The following RFLNA variants were observed in gnomAD, a reference collection of about 807,000 sequenced individuals.
RFLNA encodes refilin A.
In RFLNA, 5 loss-of-function variants were observed where a neutral mutation model predicts 7.8. The observed-to-expected ratio is 0.64, with a 90% CI of 0.34 to 1.35. The LOEUF (loss-of-function observed/expected upper bound fraction) is 1.35. Among genes scored for constraint, RFLNA ranks in the 40% most tolerant of loss-of-function variants. The pLI is 0.04. For missense variants in RFLNA, 278 were observed against 305.5 expected, an observed-to-expected ratio of 0.91 and a Z score of 0.67; for synonymous variants, 141 against 131.3, an observed-to-expected ratio of 1.07 and a Z score of -0.50.
upstream of RFLNA, among the ~76,000 whole-genome samples, chr12:124,291,647 C>T (rs2033826139): frequency 1.3e-5 from 2 of 152,166 alleles, no homozygotes; most frequent in Admixed American, 6.5e-5. Flanking sequence ...CAGGAATGCG[C>T]AGCCCTACTT....
chr12:124,307,654 G>A (rs190074909), intron 1 of RFLNA, among the ~76,000 whole-genome samples: 17 of 152,310 alleles, frequency 1.1e-4, no homozygotes, highest in African/African-American at 3.6e-4. Context: ...AGCCAGCCCC[G>A]GTGCCTTCAC....
rs768634670 is a variant in RFLNA at position 124,289,814 on chromosome 12, C to A, written c.-37+444C>A. Among the ~76,000 whole-genome samples, 1 of 152,168 alleles carries A rather than the reference C, an allele frequency of 6.6e-6. No homozygotes were observed. The highest frequency in any genetic ancestry group is 2.4e-5 in the African/African-American group (1 of 41,428). ...AAGTCCCTCGGGTGAGACAGGCCAC[C>A]GGGGAACATGCGACTCCCCGGGGCA... On this transcript the variant is annotated intron_variant, in intron 1 of 2. Transcript: ENST00000324038. The surrounding 1 kb of genome is among the most constrained non-coding windows in gnomAD (Gnocchi z 5.0).
chr12:124,295,485 G>C lies in RFLNA; in HGVS notation c.56G>C (p.Arg19Pro), dbSNP rs1299079230. Reference sequence around the variant, plus strand: ...GAGGACAGCCTGAAGGAGCAGGGCCGGGAGGGCTTGCTGGACAGCCCCGAC... The same window carrying C: ...GAGGACAGCCTGAAGGAGCAGGGCCCGGAGGGCTTGCTGGACAGCCCCGAC... The part of the protein sequence containing the change: ...GMEDSLKEQG[R>P]EGLLDSPDSG... The change falls in exon 1 of 3, where the codon CGG becomes CCG. Residue 19 changes from arginine to proline, a missense_variant. By Grantham distance (103) the Arg-to-Pro change is moderately radical. Coordinates refer to ENST00000546355, the MANE Select transcript of RFLNA (RefSeq NM_001365156.1). 6 of 1,276,902 alleles carry C rather than the reference G, an allele frequency of 4.7e-6. No individual in the cohort carries two copies. The highest frequency in any genetic ancestry group is 5.9e-6 in the Non-Finnish European group (6 of 1,014,278). The allele number at this position is 1,276,902 out of a possible 1,614,324, so 79.1% of individuals were successfully genotyped here.
At position 124,306,509 on chromosome 12, in the gene RFLNA, CT is replaced by C; in HGVS notation, c.208-5308del. Among the ~76,000 whole-genome samples, 1 of 152,222 alleles carries C rather than the reference CT, an allele frequency of 6.6e-6. No individual in the cohort carries two copies. Among genetic ancestry groups the C allele is most frequent in the Non-Finnish European group, 1.5e-5 (1 of 68,004 alleles). The stretch of plus-strand genomic sequence containing the variant: ...GAGGGGGCAGCGATGAGACAGGCCC[CT>C]GGGCATGAAAGGCAGTGGAGGAGCG... On this transcript the variant is annotated intron_variant, in intron 1 of 2. Coordinates refer to ENST00000546355, the MANE Select transcript of RFLNA (RefSeq NM_001365156.1). This position sits in a 1 kb window ranked among gnomAD's most constrained non-coding sequence, Gnocchi z 5.2.
At position 124,289,748 on chromosome 12, in the gene RFLNA, A is replaced by C. The variant is rs566739939; in HGVS notation, c.-37+378A>C. Among the ~76,000 whole-genome samples, 18 of 152,178 alleles carry C rather than the reference A, an allele frequency of 1.2e-4. No homozygotes were observed. The highest frequency in any genetic ancestry group is 2.1e-4 in the Non-Finnish European group (14 of 68,018). On this transcript the variant is annotated intron_variant, in intron 1 of 2. Transcript: ENST00000324038. This position sits in a 1 kb window ranked among gnomAD's most constrained non-coding sequence, Gnocchi z 5.0. ...GCTGGAGCTCTGTCCAGGCGTGGAC[A>C]TCTGTGGTACAGCTGGGGACTGAGC... is the stretch of plus-strand genomic sequence containing the variant.
chr12:124,304,210 C>G (rs1593032774), intron 1 of RFLNA, among the ~76,000 whole-genome samples: 1 of 152,236 alleles, frequency 6.6e-6, no homozygotes, highest in Non-Finnish European at 1.5e-5. Flanking sequence ...CTGGTGGCTG[C>G]CACCATCTTC....
At position 124,297,536 on chromosome 12, in the gene RFLNA, G is replaced by A. The variant is rs145439730; in HGVS notation, c.207+1900G>A. 6.0e-3 allele frequency among the ~76,000 whole-genome samples: 917 copies of A among 152,276 alleles called. 8 individuals are homozygous for A. Among genetic ancestry groups the A allele is most frequent in the African/African-American group, 0.021 (890 of 41,552 alleles). On this transcript the variant is annotated intron_variant, in intron 1 of 2. Coordinates refer to ENST00000546355, the MANE Select transcript of RFLNA (RefSeq NM_001365156.1). ...CCAATTAGCCCCATTTTCCAGAGGC[G>A]GAAGCCAAGGCACAGAGGAGGTTAG...
At chr12:124,290,255 C>T (rs117084469), upstream of RFLNA, among the ~76,000 whole-genome samples, 1,500 of 151,304 alleles carry the variant, frequency 9.9e-3, 22 homozygotes, top group South Asian at 0.031. The surrounding 1 kb of genome is among the most constrained non-coding windows in gnomAD (Gnocchi z 4.0). Context: ...TGCGTGTATA[C>T]GTGTGTGGGT....
chr12:124,294,902 CTT>C (rs998122169), upstream of RFLNA, among the ~76,000 whole-genome samples: 1 of 152,208 alleles, frequency 6.6e-6, no homozygotes, highest in Non-Finnish European at 1.5e-5. Flanking sequence ...CAGTGTGGTG[CTT>C]GTTCCGGGAG....
chr12:124,295,438 C>T lies in RFLNA; in HGVS notation c.9C>T (p.Gly3=). 8.1e-7 allele frequency: 1 copy of T among 1,228,972 alleles called. No homozygotes were observed. Among genetic ancestry groups the T allele is most frequent in the Non-Finnish European group, 1.0e-6 (1 of 987,532 alleles). 76.1% of individuals were successfully genotyped at this position (1,228,972 alleles called of 1,614,324 possible). Residue 3 remains glycine (G), a synonymous_variant, in exon 1 of 3, where the codon GGC becomes GGT. Coordinates refer to ENST00000546355, the MANE Select transcript of RFLNA (RefSeq NM_001365156.1). MV[G]HLHLQGMEDS... is the part of the protein sequence containing the mutation. ...CCCCGCGCCCCCCAGACATGGTGGG[C>T]CACCTGCATCTGCAGGGCATGGAGG...
At chr12:124,292,025 C>A (rs1202153743), upstream of RFLNA, among the ~76,000 whole-genome samples, 2 of 152,202 alleles carry the variant, frequency 1.3e-5, no homozygotes, top group East Asian at 1.9e-4. Flanking sequence ...TCAGGGATAC[C>A]CCAATACCTC....
At chr12:124,309,420 A>G (rs931603863) in intron 1 of RFLNA, among the ~76,000 whole-genome samples, 7 of 152,208 alleles carry the variant, frequency 4.6e-5, no homozygotes, top group Admixed American at 4.6e-4. Context: ...CCACCATGGC[A>G]GCAGTACAGA....
rs140819631 is a variant in RFLNA, at chr12:124,297,918, G to A, written c.207+2282G>A. On this transcript the variant is annotated intron_variant, in intron 1 of 2. Coordinates refer to ENST00000546355, the MANE Select transcript of RFLNA (RefSeq NM_001365156.1). Reference sequence around the variant, plus strand: ...GTTTAACCGCACCCTGCTCACTGACGACTCAGGGAGAGTGCTTTTTAGGTG... The same window carrying A: ...GTTTAACCGCACCCTGCTCACTGACAACTCAGGGAGAGTGCTTTTTAGGTG... Among the ~76,000 whole-genome samples, 15 of 151,318 alleles carry A rather than the reference G, an allele frequency of 9.9e-5. No homozygotes were observed. In the East Asian group the frequency reaches 3.0e-3, roughly 30 times the overall value.
At chr12:124,291,780 A>G (rs1388854011), upstream of RFLNA, among the ~76,000 whole-genome samples, 1 of 151,250 alleles carries the variant, frequency 6.6e-6, no homozygotes, top group Non-Finnish European at 1.5e-5. Flanking sequence ...CTTCCCCCAC[A>G]CAAAGCATTC....
intron 1 of RFLNA, among the ~76,000 whole-genome samples, chr12:124,307,803 G>A (rs142847959): frequency 8.5e-5 from 13 of 152,090 alleles, no homozygotes; most frequent in South Asian, 8.3e-4. Context: ...CTCTATTCTC[G>A]CACAGTTCCG....
In RFLNA at chr12:124,311,817, G is replaced by T; in HGVS notation, c.208-1G>T. On this transcript the variant is annotated splice_acceptor_variant, in intron 1 of 2. Coordinates refer to ENST00000546355, the MANE Select transcript of RFLNA (RefSeq NM_001365156.1). LOFTEE classifies it high-confidence loss of function. Reference sequence around the variant, plus strand: ...CCCCGTGTCCCTGGCTCTCCCCACAGCCCCCCTCCCAACTCCCAAATCCCC... The same window carrying T: ...CCCCGTGTCCCTGGCTCTCCCCACATCCCCCCTCCCAACTCCCAAATCCCC... 1 of 1,583,064 alleles carries T rather than the reference G, an allele frequency of 6.3e-7. No homozygotes were observed. The highest frequency in any genetic ancestry group is 8.6e-7 in the Non-Finnish European group (1 of 1,165,690).
chr12:124,296,345 C>A (rs2033928570), intron 1 of RFLNA, among the ~76,000 whole-genome samples: 1 of 150,682 alleles, frequency 6.6e-6, no homozygotes, highest in Non-Finnish European at 1.5e-5. Context: ...TAAGTCCAGC[C>A]TGGGGGTGGA....
chr12:124,312,071 C>A, intron 2 of RFLNA, 144 bp downstream of exon 2: 1 of 1,026,556 alleles, frequency 9.7e-7, no homozygotes, highest in Non-Finnish European at 1.3e-6. Context: ...CCTCTGGGTG[C>A]TGCTTCCTGG....
chr12:124,291,789 T>A (rs2033828914), upstream of RFLNA, among the ~76,000 whole-genome samples: 1 of 152,026 alleles, frequency 6.6e-6, no homozygotes, highest in South Asian at 2.1e-4. Context: ...CACAAAGCAT[T>A]CTGGGAAAAT....
Sources: allele counts gnomAD v4.1 joint callset (sites outside exome capture counted in the v4.1 genomes callset), GRCh38; gene constraint gnomAD v4.1.1; non-coding constraint Gnocchi (gnomAD v3.1); transcripts MANE v1.5; gene names NCBI Gene and HGNC (gene_info 2026-07-23, HGNC 2026-07-21).